OR6N1: variants seen among roughly 807,000 people sequenced by gnomAD.
The protein encoded by OR6N1 is olfactory receptor family 6 subfamily N member 1.
For missense variants in OR6N1, 394 were observed against 371.7 expected (o/e 1.06, Z -0.49); for synonymous variants, 170 against 150.7 (o/e 1.13, Z -0.94).
At chr1:158,806,582 C>T in the OR6N1 span, among the ~76,000 whole-genome samples, 489 of 152,248 alleles carry the variant, frequency 3.2e-3, 4 homozygotes, top group African/African-American at 0.011. Context: ...AGAGAGCCTT[C>T]AAAGACCGTG....
At position 158,764,825 on chromosome 1, in the gene OR6N1, C is replaced by T. The variant is rs555776757; in HGVS notation, c.*919G>A. On this transcript the variant is annotated 3_prime_UTR_variant, in exon 2 of 2. Coordinates refer to ENST00000641846, the MANE Select transcript of OR6N1 (RefSeq NM_001005185.2). ...CTGACTCAACTCCTATACTTTCATACATTATACTGGCCATAGATATTAGGA... is the reference window on the plus strand; with the variant it reads ...CTGACTCAACTCCTATACTTTCATATATTATACTGGCCATAGATATTAGGA... 2 of 152,120 alleles carry T rather than the reference C, an allele frequency of 1.3e-5. No individual in the cohort carries two copies. The highest frequency in any genetic ancestry group is 1.9e-4 in the East Asian group (1 of 5,176). The allele number at this position is 152,120 out of a possible 1,614,324, so 9.4% of individuals were successfully genotyped here.
At chr1:158,780,455 G>A in the OR6N1 span, among the ~76,000 whole-genome samples, 1 of 152,138 alleles carries the variant, frequency 6.6e-6, no homozygotes, top group Admixed American at 6.5e-5. Flanking sequence ...CTTCTCCTGA[G>A]AGAATACAAT....
the OR6N1 span, among the ~76,000 whole-genome samples, chr1:158,794,375 C>T: frequency 2.6e-5 from 4 of 152,256 alleles, no homozygotes; most frequent in African/African-American, 9.6e-5. Flanking sequence ...CCTCTTCTCT[C>T]TCATGGGATG....
chr1:158,773,293 T>C (rs547068956), upstream of OR6N1, among the ~76,000 whole-genome samples: 2 of 152,196 alleles, frequency 1.3e-5, no homozygotes, highest in African/African-American at 4.8e-5. Flanking sequence ...CTAGTATACG[T>C]AGAGTTTAAG....
chr1:158,816,057 C>T, the OR6N1 span, among the ~76,000 whole-genome samples: 1 of 151,406 alleles, frequency 6.6e-6, no homozygotes, highest in African/African-American at 2.4e-5. Context: ...ACTCAGGAGG[C>T]TGAGGCAGGA....
the OR6N1 span, among the ~76,000 whole-genome samples, chr1:158,807,003 CAA>C: frequency 4.3e-3 from 316 of 72,898 alleles, no homozygotes; most frequent in African/African-American, 0.014. Context: ...GACGTCATCT[CAA>C]AAAAAAAAAA....
At chr1:158,782,442 G>T in the OR6N1 span, among the ~76,000 whole-genome samples, 1 of 152,178 alleles carries the variant, frequency 6.6e-6, no homozygotes, top group East Asian at 1.9e-4. Context: ...TCCAGCAAAA[G>T]AAAGGAACAT....
chr1:158,783,035 C>A, the OR6N1 span, among the ~76,000 whole-genome samples: 1 of 152,206 alleles, frequency 6.6e-6, no homozygotes, highest in South Asian at 2.1e-4. Context: ...TGACAACGTT[C>A]CCTATTAGAG....
At chr1:158,769,422 T>C (rs1374567279) in intron 1 of OR6N1, among the ~76,000 whole-genome samples, 1 of 152,146 alleles carries the variant, frequency 6.6e-6, no homozygotes, top group East Asian at 1.9e-4. Flanking sequence ...CTTTGGCCTC[T>C]AAAAGTGCTG....
chr1:158,803,594 T>C, the OR6N1 span, among the ~76,000 whole-genome samples: 1 of 152,244 alleles, frequency 6.6e-6, no homozygotes, highest in Non-Finnish European at 1.5e-5. Context: ...CCTCTTTTCC[T>C]CTTGTGAGCC....
chr1:158,826,126 G>T, the OR6N1 span, among the ~76,000 whole-genome samples: 2 of 151,650 alleles, frequency 1.3e-5, no homozygotes, highest in East Asian at 3.9e-4. Flanking sequence ...GAGGGTGAAG[G>T]TTGGGAGAAA....
chr1:158,829,830 G>T, the OR6N1 span, among the ~76,000 whole-genome samples: 3 of 152,188 alleles, frequency 2.0e-5, no homozygotes, highest in Admixed American at 6.5e-5. Flanking sequence ...CATGGCTGGG[G>T]AAGCCTCACA....
chr1:158,838,581 A>T, the OR6N1 span, among the ~76,000 whole-genome samples: 4 of 152,210 alleles, frequency 2.6e-5, no homozygotes, highest in African/African-American at 7.2e-5. Flanking sequence ...TGAGTTTATC[A>T]TAGTTGCAGC....
At chr1:158,771,570 A>C (rs1230308160) in intron 1 of OR6N1, among the ~76,000 whole-genome samples, 1 of 152,202 alleles carries the variant, frequency 6.6e-6, no homozygotes, top group African/African-American at 2.4e-5. Context: ...TAATTCTAGA[A>C]AGCTTTTAGA....
the OR6N1 span, among the ~76,000 whole-genome samples, chr1:158,834,293 C>A: frequency 1.4e-5 from 2 of 142,184 alleles, no homozygotes; most frequent in Non-Finnish European, 3.0e-5. Context: ...AGTGCAGTGG[C>A]GCGATCTCGA....
the OR6N1 span, among the ~76,000 whole-genome samples, chr1:158,818,676 G>A: frequency 6.6e-6 from 1 of 152,150 alleles, no homozygotes; most frequent in Non-Finnish European, 1.5e-5. Flanking sequence ...CAATGCGCCT[G>A]GGAATCTTTG....
At position 158,764,514 on chromosome 1, in the gene OR6N1, T is replaced by G. The variant is rs932632032; in HGVS notation, c.*1230A>C. On this transcript the variant is annotated 3_prime_UTR_variant, in exon 2 of 2. Transcript: ENST00000641846. ...TATAGTAAGAGCTAAATAAACGTGT[T>G]AATTTGAATGCATGGATGGATGAAT... The G allele has an allele frequency of 3.9e-5, 6 of 152,082 alleles. No individual in the cohort carries two copies. Among genetic ancestry groups the G allele is most frequent in the Non-Finnish European group, 7.4e-5 (5 of 67,962 alleles). 9.4% of individuals were successfully genotyped at this position (152,082 alleles called of 1,614,324 possible).
chr1:158,783,213 G>A, the OR6N1 span, among the ~76,000 whole-genome samples: 2,985 of 152,122 alleles, frequency 0.02, 35 homozygotes, highest in Non-Finnish European at 0.027. Context: ...ATAATACTAA[G>A]TTCTGCCAAT....
rs549634587 is a variant in OR6N1 at position 158,766,268 on chromosome 1, T to C, written c.415A>G (p.Thr139Ala). ...CCAATGGCAATCTCTGCACAAAGTG[T>C]TGGGGTCATGAGGGTTGGGTAGTGG... is the stretch of plus-strand genomic sequence containing the variant. ...PLHYPTLMTP[T>A]LCAEIAIGCW... The change falls in exon 2 of 2, where the codon ACA (threonine) becomes GCA (alanine). Residue 139 changes from threonine (T) to alanine (A), a missense_variant. Transcript: ENST00000641846. The C allele has an allele frequency of 1.9e-6, 3 of 1,613,906 alleles. No homozygotes were observed. Among genetic ancestry groups the C allele is most frequent in the South Asian group, 1.1e-5 (1 of 91,056 alleles).
Sources: allele counts gnomAD v4.1 joint callset (sites outside exome capture counted in the v4.1 genomes callset), GRCh38; gene constraint gnomAD v4.1.1; transcripts MANE v1.5; gene names NCBI Gene and HGNC (gene_info 2026-07-23, HGNC 2026-07-21).